Variants in CCSER1 observed in about 807,000 individuals in gnomAD.
CCSER1 encodes the protein coiled-coil serine rich protein 1, also known as serine-rich coiled-coil domain-containing protein 1.
Under a neutral mutation model 82.0 loss-of-function variants are expected in CCSER1, and 41 were observed. That is an observed-to-expected ratio of 0.50 (90% CI 0.39 to 0.65). The LOEUF is 0.65. Ranked by LOEUF, CCSER1 falls within the 30% of genes least tolerant of loss-of-function variation. CCSER1 has a pLI of 0.00. For synonymous variants in CCSER1, 414 were observed against 383.9 expected, an observed-to-expected ratio of 1.08 and a Z score of -0.92; for missense variants, 1,119 against 1,064.2, an observed-to-expected ratio of 1.05 and a Z score of -0.72.
chr4:90,425,224 G>A (rs896975894), intron 4 of CCSER1, among the ~76,000 whole-genome samples: 5 of 152,006 alleles, frequency 3.3e-5, no homozygotes, highest in Non-Finnish European at 5.9e-5. Context: ...TTCATGATTA[G>A]TATTTATTTC....
At chr4:90,886,251 G>A (rs556283432) in intron 8 of CCSER1, among the ~76,000 whole-genome samples, 1 of 152,258 alleles carries the variant, frequency 6.6e-6, no homozygotes, top group African/African-American at 2.4e-5. Flanking sequence ...ATTTGCAGAG[G>A]TAGGCTCCTT....
chr4:91,526,156 A>C (rs79548253), intron 10 of CCSER1, among the ~76,000 whole-genome samples: 20,480 of 152,076 alleles, frequency 0.13, 1,569 homozygotes, highest in African/African-American at 0.21. Flanking sequence ...AAAATATTTT[A>C]CAACATGTTC....
At chr4:90,305,958 A>G (rs998131774) in intron 1 of CCSER1, among the ~76,000 whole-genome samples, 7 of 152,246 alleles carry the variant, frequency 4.6e-5, no homozygotes, top group Admixed American at 3.9e-4. Flanking sequence ...ATGGATTAAG[A>G]AAATGTGGTT....
chr4:90,520,213 C>T (rs1772899779), intron 5 of CCSER1, among the ~76,000 whole-genome samples: 1 of 151,048 alleles, frequency 6.6e-6, no homozygotes, highest in Non-Finnish European at 1.5e-5. Context: ...AATTATTATT[C>T]TAATATAATT....
At chr4:91,549,818 G>C (rs999857576) in intron 10 of CCSER1, among the ~76,000 whole-genome samples, 2 of 151,918 alleles carry the variant, frequency 1.3e-5, no homozygotes, top group Non-Finnish European at 2.9e-5. Context: ...CTGGGCAACA[G>C]AGCCAGACCC....
chr4:90,337,820 A>T (rs1740692483), intron 3 of CCSER1, among the ~76,000 whole-genome samples: 1 of 152,070 alleles, frequency 6.6e-6, no homozygotes, highest in Non-Finnish European at 1.5e-5. Flanking sequence ...AAACATCTAT[A>T]TTTTCCCAAA....
intron 10 of CCSER1, among the ~76,000 whole-genome samples, chr4:91,355,657 TCC>T (rs1237911818): frequency 3.3e-5 from 5 of 152,078 alleles, no homozygotes; most frequent in Admixed American, 1.3e-4. Flanking sequence ...GGAAAATGAG[TCC>T]CACAATGAGT....
At chr4:90,256,095 T>G (rs908509569) in intron 1 of CCSER1, among the ~76,000 whole-genome samples, 3 of 152,158 alleles carry the variant, frequency 2.0e-5, no homozygotes, top group Non-Finnish European at 4.4e-5. Context: ...ATAATTTGTT[T>G]TCATATTTTT....
Position 91,484,226 on chromosome 4 carries a change from C to T in CCSER1, c.2218-114346C>T, listed in dbSNP as rs534651008. Reference sequence around the variant, plus strand: ...ACAAACTGAAAAACACTAAATTCAGCTTATTTGAGCTTTTTGTTACTCTAG... The same window carrying T: ...ACAAACTGAAAAACACTAAATTCAGTTTATTTGAGCTTTTTGTTACTCTAG... On this transcript the variant is annotated intron_variant, in intron 10 of 10. Coordinates refer to ENST00000509176, the MANE Select transcript of CCSER1 (RefSeq NM_001145065.2). 4.6e-5 allele frequency among the ~76,000 whole-genome samples: 7 copies of T among 152,164 alleles called. No homozygotes were observed. In the South Asian group the frequency reaches 1.2e-3, roughly 27 times the overall value.
At chr4:90,789,605 C>T (rs1364045746) in intron 7 of CCSER1, among the ~76,000 whole-genome samples, 59 of 152,020 alleles carry the variant, frequency 3.9e-4, no homozygotes, top group Admixed American at 3.9e-3. Flanking sequence ...GTAATTGAAT[C>T]ATGGGGGCAC....
At chr4:91,384,180 T>C (rs1005833591) in intron 10 of CCSER1, among the ~76,000 whole-genome samples, 2 of 152,144 alleles carry the variant, frequency 1.3e-5, no homozygotes, top group African/African-American at 4.8e-5. Flanking sequence ...TCACTGTAAA[T>C]GAATGATATT....
At chr4:90,413,263 A>G (rs1332763924) in intron 4 of CCSER1, among the ~76,000 whole-genome samples, 1 of 152,242 alleles carries the variant, frequency 6.6e-6, no homozygotes, top group Non-Finnish European at 1.5e-5. Context: ...AGACCTCTAC[A>G]AGGTAAACTA....
intron 7 of CCSER1, among the ~76,000 whole-genome samples, chr4:90,760,433 G>C (rs1224131874): frequency 6.6e-6 from 1 of 151,772 alleles, no homozygotes; most frequent in Non-Finnish European, 1.5e-5. Flanking sequence ...ATCTTTTACA[G>C]CACTTAATAT....
chr4:90,858,108 G>A (rs1031007086), intron 8 of CCSER1, among the ~76,000 whole-genome samples: 2 of 152,006 alleles, frequency 1.3e-5, no homozygotes, highest in Non-Finnish European at 2.9e-5. Context: ...GCCTAGAAAT[G>A]GAATGTTAAG....
chr4:91,216,110 A>G (rs551750500), intron 10 of CCSER1, among the ~76,000 whole-genome samples: 2 of 152,156 alleles, frequency 1.3e-5, no homozygotes, highest in African/African-American at 4.8e-5. Context: ...TTTCTGCTTG[A>G]ATATTTCAAA....
intron 9 of CCSER1, among the ~76,000 whole-genome samples, chr4:91,050,341 G>C (rs1043030425): frequency 5.9e-5 from 9 of 151,340 alleles, no homozygotes; most frequent in Non-Finnish European, 1.2e-4. Flanking sequence ...TGGGGCAGGA[G>C]ACTCTCTTGA....
At position 90,826,150 on chromosome 4, in the gene CCSER1, G is replaced by A. The variant is rs569201671; in HGVS notation, c.2094+10305G>A. On this transcript the variant is annotated intron_variant, in intron 8 of 10. Transcript: ENST00000509176. ...GCCCAATAAAAACTAGCTTGTTTGG[G>A]ATTTGGCTATCACCTCTACATGATT... Among the ~76,000 whole-genome samples the A allele has an allele frequency of 2.6e-5, 4 of 152,236 alleles. No homozygotes were observed. The South Asian group carries it at 8.3e-4, about 32-fold the overall frequency.
chr4:91,555,066 C>A lies in CCSER1; in HGVS notation c.2218-43506C>A, dbSNP rs540767559. Among the ~76,000 whole-genome samples the A allele has an allele frequency of 1.1e-4, 17 of 151,312 alleles. 1 individual carries two copies. The highest frequency in any genetic ancestry group is 3.0e-5 in the Non-Finnish European group (2 of 67,548). On this transcript the variant is annotated intron_variant, in intron 10 of 10. Coordinates refer to ENST00000509176, the MANE Select transcript of CCSER1 (RefSeq NM_001145065.2). ...TGGATTAAAAACTCAAATACAAGAT[C>A]TGAAACTCTAAAATTGCTAAAAGAA...
intron 8 of CCSER1, among the ~76,000 whole-genome samples, chr4:90,916,711 T>C (rs1157718606): frequency 6.6e-6 from 1 of 152,016 alleles, no homozygotes; most frequent in Non-Finnish European, 1.5e-5. Context: ...GCAAATACCA[T>C]CAGAGTGAAC....
Sources: gnomAD v4.1 joint callset for allele counts (sites outside exome capture counted in the v4.1 genomes callset) on GRCh38, gnomAD v4.1.1 for gene constraint, MANE v1.5 for transcripts, NCBI Gene and HGNC (gene_info 2026-07-23, HGNC 2026-07-21) for gene names.